The following IQSEC1 variants were observed in gnomAD, a reference collection of about 807,000 sequenced individuals.
IQSEC1 encodes the protein IQ motif and SEC7 domain-containing protein 1.
Under a neutral mutation model 91.0 loss-of-function variants are expected in IQSEC1, and 31 were observed. The observed-to-expected ratio is 0.34, with a 90% CI of 0.26 to 0.46. IQSEC1 has a LOEUF of 0.46. Among genes scored for constraint, IQSEC1 ranks in the 20% least tolerant of loss-of-function variants. The probability of loss-of-function intolerance (pLI) is 1.00; values close to 1 mark genes in which losing one functional copy is unlikely to be tolerated. For missense variants in IQSEC1, 1,388 were observed against 1,575.6 expected (o/e 0.88, Z 2.02); for synonymous variants, 699 against 662.6 (o/e 1.05, Z -0.84).
chr3:13,157,411 A>G (rs1221465343), intron 2 of IQSEC1, among the ~76,000 whole-genome samples: 1 of 152,200 alleles, frequency 6.6e-6, no homozygotes, highest in Non-Finnish European at 1.5e-5. Context: ...GTGTAAAGAA[A>G]GGCCCAGTAG....
Position 12,960,542 on chromosome 3 carries a change from G to A in IQSEC1, c.24-18677C>T, listed in dbSNP as rs73143364. 2.6e-5 allele frequency: 4 copies of A among 152,364 alleles called. No individual in the cohort carries two copies. In the East Asian group the frequency reaches 7.7e-4, roughly 29 times the overall value. The allele number at this position is 152,364 out of a possible 1,614,324, so 9.4% of individuals were successfully genotyped here. ...CAAGCTGCTCCCCAGCAATGCCAGG[G>A]AGGGGAAAGAGGGTCCATGCATTTA... On this transcript the variant is annotated intron_variant, in intron 1 of 13. Transcript: ENST00000613206.
chr3:12,981,676 A>T (rs1701470510), intron 1 of IQSEC1, among the ~76,000 whole-genome samples: 1 of 152,240 alleles, frequency 6.6e-6, no homozygotes, highest in South Asian at 2.1e-4. Context: ...ATTGTGAAGT[A>T]TGATTGTAGA....
chr3:13,027,803 T>G (rs1044211827), intron 1 of IQSEC1, among the ~76,000 whole-genome samples: 3 of 152,234 alleles, frequency 2.0e-5, no homozygotes, highest in African/African-American at 7.2e-5. Context: ...TGGCTCTGGC[T>G]GATGGCTGCT....
At chr3:13,043,554 T>A (rs867087047) in intron 1 of IQSEC1, among the ~76,000 whole-genome samples, 6 of 152,238 alleles carry the variant, frequency 3.9e-5, no homozygotes, top group African/African-American at 1.4e-4. Context: ...CTATAGCAGC[T>A]CAGCCCCCTT....
Position 12,908,641 on chromosome 3 carries a change from G to A in IQSEC1, c.2579-116C>T. ...TGAGCCACCATCTGCTTGGAATGGG[G>A]AAGGGTTGTTTCTGGGAAAGAGGGT... is the stretch of plus-strand genomic sequence containing the variant. On this transcript the variant is annotated intron_variant, in intron 11 of 13. Transcript: ENST00000613206. This position sits in a 1 kb window ranked among gnomAD's most constrained non-coding sequence, Gnocchi z 4.9. 8.7e-7 allele frequency: 1 copy of A among 1,150,092 alleles called. No homozygotes were observed. The highest frequency in any genetic ancestry group is 1.3e-6 in the Non-Finnish European group (1 of 799,740). 71.2% of individuals were successfully genotyped at this position (1,150,092 alleles called of 1,614,324 possible). A position where few individuals can be genotyped will look rare whatever the true frequency, so the allele number is the denominator to read the frequency against.
chr3:13,117,512 A>C (rs1232848374), intron 2 of IQSEC1, among the ~76,000 whole-genome samples: 1 of 133,756 alleles, frequency 7.5e-6, no homozygotes, highest in Non-Finnish European at 1.5e-5. Context: ...CAGAGGTTGC[A>C]GTGAGCCGAG....
intron 1 of IQSEC1, among the ~76,000 whole-genome samples, chr3:13,065,322 A>C (rs1705197043): frequency 6.6e-6 from 1 of 152,288 alleles, no homozygotes; most frequent in Non-Finnish European, 1.5e-5. Context: ...ACCCAAAGGA[A>C]CTGGACACAG....
intron 8 of IQSEC1, 138 bp from the exon 9 acceptor site, chr3:12,913,691 G>T: frequency 1.4e-6 from 1 of 701,800 alleles, no homozygotes; most frequent in Non-Finnish European, 2.2e-6. Flanking sequence ...TTCCCTCACA[G>T]ACATTGAAGA....
In IQSEC1 at chr3:12,900,156, TAATAA is replaced by T. The variant is rs771842895; in HGVS notation, c.*822_*826del. 84 of 971,560 alleles carry T rather than the reference TAATAA, an allele frequency of 8.6e-5. No homozygotes were observed. The highest frequency in any genetic ancestry group is 1.0e-3 in the Middle Eastern group (2 of 1,912). The allele number at this position is 971,560 out of a possible 1,614,324, so 60.2% of individuals were successfully genotyped here. A position where few individuals can be genotyped will look rare whatever the true frequency, so the allele number is the denominator to read the frequency against. On this transcript the variant is annotated 3_prime_UTR_variant, in exon 14 of 14. Coordinates refer to ENST00000613206, the MANE Select transcript of IQSEC1 (RefSeq NM_001134382.3). The stretch of plus-strand genomic sequence containing the variant: ...AATACTATTTATGATAGTATTCTGT[TAATAA>T]AATAAGGATTTATACAAAGCAATAC...
intron 1 of IQSEC1, among the ~76,000 whole-genome samples, chr3:13,272,258 A>C (rs866394002): frequency 6.6e-6 from 1 of 152,182 alleles, no homozygotes; most frequent in Non-Finnish European, 1.5e-5. Flanking sequence ...AATGCTCCCC[A>C]CTTCACAGAA....
In IQSEC1 at chr3:12,909,243, G is replaced by C; in HGVS notation, c.2578+30C>G. ...CAAGTGCCAGAGTCTGGCAAGTCTC[G>C]GCCTTCTGTCCATGAGGCCTGGTAC... On this transcript the variant is annotated intron_variant, in intron 11 of 13. Coordinates refer to ENST00000613206, the MANE Select transcript of IQSEC1 (RefSeq NM_001134382.3). This position sits in a 1 kb window ranked among gnomAD's most constrained non-coding sequence, Gnocchi z 4.9. 6.2e-7 allele frequency: 1 copy of C among 1,607,698 alleles called. No individual in the cohort carries two copies. The highest frequency in any genetic ancestry group is 8.5e-7 in the Non-Finnish European group (1 of 1,175,190).
At chr3:12,914,179 G>A (rs887454857) in intron 8 of IQSEC1, among the ~76,000 whole-genome samples, 7 of 152,192 alleles carry the variant, frequency 4.6e-5, no homozygotes, top group East Asian at 1.9e-4. Flanking sequence ...CCCTGGACCC[G>A]TCCTCTGCTC....
chr3:13,129,655 ATTTTTT>A (rs35069619), intron 2 of IQSEC1, among the ~76,000 whole-genome samples: 1 of 118,344 alleles, frequency 8.4e-6, no homozygotes, highest in Admixed American at 9.1e-5. Context: ...CATCTTATGA[ATTTTTT>A]TTTTTTTTTT....
At chr3:13,192,581 C>T (rs1343538796) in intron 1 of IQSEC1, among the ~76,000 whole-genome samples, 1 of 152,158 alleles carries the variant, frequency 6.6e-6, no homozygotes, top group Non-Finnish European at 1.5e-5. Context: ...GACCACCTGC[C>T]GTCCCCAGAG....
At chr3:13,215,955 T>C (rs1489157242) in intron 1 of IQSEC1, among the ~76,000 whole-genome samples, 2 of 152,308 alleles carry the variant, frequency 1.3e-5, no homozygotes, top group South Asian at 4.2e-4. Context: ...AATCTCTGTC[T>C]CAGCCCTCAC....
At chr3:12,969,228 A>G (rs1247364297) in intron 1 of IQSEC1, among the ~76,000 whole-genome samples, 2 of 152,178 alleles carry the variant, frequency 1.3e-5, no homozygotes, top group Non-Finnish European at 2.9e-5. Flanking sequence ...CACAATTCAA[A>G]AATAATAAGG....
chr3:13,035,655 C>G (rs370378590), intron 1 of IQSEC1, among the ~76,000 whole-genome samples: 1 of 152,158 alleles, frequency 6.6e-6, no homozygotes, highest in Non-Finnish European at 1.5e-5. Context: ...ATTCTATTTC[C>G]AAACAGGGCC....
intron 2 of IQSEC1, among the ~76,000 whole-genome samples, chr3:13,154,462 T>TATATACACACAC (rs1553569717): frequency 2.6e-5 from 3 of 116,434 alleles, no homozygotes; most frequent in Middle Eastern, 3.7e-3. Flanking sequence ...TATATATATA[T>TATATACACACAC]ATATATATAT....
At chr3:13,074,239 G>A (rs1397680703), upstream of IQSEC1, among the ~76,000 whole-genome samples, 1 of 152,194 alleles carries the variant, frequency 6.6e-6, no homozygotes, top group African/African-American at 2.4e-5. Context: ...TGTGAGGCAC[G>A]TGTGGCTGAG....
Sources: allele counts gnomAD v4.1 joint callset (sites outside exome capture counted in the v4.1 genomes callset), GRCh38; gene constraint gnomAD v4.1.1; non-coding constraint Gnocchi (gnomAD v3.1); transcripts MANE v1.5; gene names NCBI Gene and HGNC (gene_info 2026-07-23, HGNC 2026-07-21).